Variants in MYL12B observed in about 807,000 individuals in gnomAD.
The protein encoded by MYL12B is myosin regulatory light chain 12B.
Under a neutral mutation model 12.9 loss-of-function variants are expected in MYL12B, and 3 were observed. The observed-to-expected ratio is 0.23, with a 90% CI of 0.11 to 0.60. The LOEUF is 0.60. MYL12B is among the 20% of genes least tolerant of loss of function. The pLI, the probability that MYL12B is intolerant of heterozygous loss-of-function variation, is 0.89. For synonymous variants in MYL12B, 57 were observed against 71.9 expected (o/e 0.79, Z 1.05); for missense variants, 120 against 215.4 (o/e 0.56, Z 2.77).
At chr18:3,274,917 C>T (rs1027215566) in intron 2 of MYL12B, among the ~76,000 whole-genome samples, 2 of 152,104 alleles carry the variant, frequency 1.3e-5, no homozygotes, top group Non-Finnish European at 2.9e-5. Context: ...CCTCAGAGAA[C>T]TAAAAATAGG....
intron 1 of MYL12B, among the ~76,000 whole-genome samples, chr18:3,266,381 A>G (rs2081634464): frequency 6.6e-6 from 1 of 152,266 alleles, no homozygotes; most frequent in Non-Finnish European, 1.5e-5. Flanking sequence ...TGCAAGGTGT[A>G]TTATGACAAA....
intron 2 of MYL12B, among the ~76,000 whole-genome samples, chr18:3,274,710 G>C (rs538120615): frequency 6.6e-6 from 1 of 152,354 alleles, no homozygotes; most frequent in African/African-American, 2.4e-5. Flanking sequence ...ATACTCCTAA[G>C]TTAGGTTTTC....
intron 1 of MYL12B, among the ~76,000 whole-genome samples, chr18:3,264,305 C>CAT (rs1405844953): frequency 1.1e-4 from 17 of 152,182 alleles, no homozygotes; most frequent in South Asian, 2.1e-4. Context: ...TATATTTATA[C>CAT]ATATATATAT....
chr18:3,267,688 A>T (rs117102247), intron 1 of MYL12B, among the ~76,000 whole-genome samples: 1,795 of 152,262 alleles, frequency 0.012, 18 homozygotes, highest in Non-Finnish European at 0.019. Flanking sequence ...GTGTATTATA[A>T]TTGTTCTATT....
rs1011413027 is a variant in MYL12B, at chr18:3,268,649, G to A, written c.-15-4235G>A. On this transcript the variant is annotated intron_variant, in intron 1 of 3. Transcript: ENST00000237500. ...GTCTAGGATTTGAATTTAGAGGATTGTAGGTGCTCAGAAATCAGTGTTGAA... is the reference window on the plus strand; with the variant it reads ...GTCTAGGATTTGAATTTAGAGGATTATAGGTGCTCAGAAATCAGTGTTGAA... Among the ~76,000 whole-genome samples the A allele has an allele frequency of 2.6e-5, 4 of 152,304 alleles. No homozygotes were observed. The South Asian group carries it at 8.3e-4, about 32-fold the overall frequency.
chr18:3,265,366 C>T (rs1215473300), intron 1 of MYL12B, among the ~76,000 whole-genome samples: 5 of 152,130 alleles, frequency 3.3e-5, no homozygotes, highest in Non-Finnish European at 5.9e-5. Flanking sequence ...AACTTGACTA[C>T]AGTAATAACC....
intron 1 of MYL12B, chr18:3,262,827 G>A (rs879669070): frequency 2.6e-5 from 4 of 152,298 alleles, no homozygotes; most frequent in Non-Finnish European, 4.4e-5. Context: ...CAAATGTGAT[G>A]ATTTACATAG....
At chr18:3,264,360 G>A (rs1380032534) in intron 1 of MYL12B, among the ~76,000 whole-genome samples, 3 of 152,136 alleles carry the variant, frequency 2.0e-5, no homozygotes, top group African/African-American at 4.8e-5. Flanking sequence ...CATGTGCAAG[G>A]CACACTGCTA....
At chr18:3,270,057 A>G (rs1200185341) in intron 1 of MYL12B, among the ~76,000 whole-genome samples, 1 of 152,200 alleles carries the variant, frequency 6.6e-6, no homozygotes, top group African/African-American at 2.4e-5. Flanking sequence ...TTTAGACCAG[A>G]TTTGGCAATT....
chr18:3,276,940 A>T (rs944155302), intron 2 of MYL12B: 15 of 949,550 alleles, frequency 1.6e-5, no homozygotes, highest in Non-Finnish European at 1.7e-5. Context: ...AAAAAAAAAA[A>T]TTAAGATGTA....
At chr18:3,269,111 T>C (rs1048907126) in intron 1 of MYL12B, among the ~76,000 whole-genome samples, 3 of 152,080 alleles carry the variant, frequency 2.0e-5, no homozygotes, top group Admixed American at 6.6e-5. Flanking sequence ...AAGCAGGGAA[T>C]GGCTAGAGAG....
intron 2 of MYL12B, chr18:3,276,684 G>T (rs2081734171): frequency 1.7e-5 from 9 of 540,668 alleles, no homozygotes; most frequent in Non-Finnish European, 2.1e-5. Context: ...TGAATATTTA[G>T]ATTTTTTTGT....
Position 3,277,313 on chromosome 18 carries a change from A to G in MYL12B, c.245A>G (p.Asn82Ser). The change falls in exon 3 of 4, where the codon AAT becomes AGT. Residue 82 changes from asparagine to serine, a missense_variant. By Grantham distance (46) the Asn-to-Ser change is conservative (BLOSUM62 1). Transcript: ENST00000237500. ...AMMNEAPGPI[N>S]FTMFLTMFGE... ...ATGAATGAGGCCCCAGGGCCCATCA[A>G]TTTCACCATGTTCCTGACCATGTTT... is the stretch of plus-strand genomic sequence containing the variant. 1.2e-6 allele frequency: 2 copies of G among 1,613,992 alleles called. No homozygotes were observed. The highest frequency in any genetic ancestry group is 2.2e-5 in the East Asian group (1 of 44,866).
In MYL12B at chr18:3,262,137, A is replaced by G. The variant is rs2081594656; in HGVS notation, c.-116A>G. The G allele has an allele frequency of 6.6e-6, 1 of 151,902 alleles. No individual in the cohort carries two copies. Among genetic ancestry groups the G allele is most frequent in the Admixed American group, 6.6e-5 (1 of 15,188 alleles). 9.4% of individuals were successfully genotyped at this position (151,902 alleles called of 1,614,324 possible). ...CGCCTTCCGCTCCGCCCCTTCAGGC[A>G]GGAAGTGTCGGCGCCGCCACTGTCC... On this transcript the variant is annotated 5_prime_UTR_variant, in exon 1 of 4. Transcript: ENST00000237500.
In MYL12B at chr18:3,269,909, G is replaced by C. The variant is rs140354924; in HGVS notation, c.-15-2975G>C. Among the ~76,000 whole-genome samples, 976 of 152,288 alleles carry C rather than the reference G, an allele frequency of 6.4e-3. 12 individuals are homozygous for C. Among genetic ancestry groups the C allele is most frequent in the African/African-American group, 0.022 (913 of 41,550 alleles). ...GCTTAGCAGTCTTCCTGATTAGAGCGTAAGTTCTTCAAGGTTGGGACCCTT... is the reference window on the plus strand; with the variant it reads ...GCTTAGCAGTCTTCCTGATTAGAGCCTAAGTTCTTCAAGGTTGGGACCCTT... On this transcript the variant is annotated intron_variant, in intron 1 of 3. Coordinates refer to ENST00000237500, the MANE Select transcript of MYL12B (RefSeq NM_033546.4).
At chr18:3,273,646 T>TA (rs2144362554) in intron 2 of MYL12B, among the ~76,000 whole-genome samples, 1 of 152,344 alleles carries the variant, frequency 6.6e-6, no homozygotes, top group South Asian at 2.1e-4. Context: ...TATTGTTTCT[T>TA]AACATGCATC....
chr18:3,278,416 AC>A lies in MYL12B; in HGVS notation c.*482del, dbSNP rs987227721. 7.2e-5 allele frequency: 11 copies of A among 153,302 alleles called. 2 individuals are homozygous for A. Among genetic ancestry groups the A allele is most frequent in the African/African-American group, 2.7e-4 (11 of 41,348 alleles). 9.5% of individuals were successfully genotyped at this position (153,302 alleles called of 1,614,324 possible). The stretch of plus-strand genomic sequence containing the variant: ...ACAGTGTTCTTCAGAACTTTTAAGT[AC>A]CCTTTAACATTATTATGCAGTAAAA... On this transcript the variant is annotated 3_prime_UTR_variant, in exon 4 of 4. Transcript: ENST00000237500.
At chr18:3,270,084 A>G (rs16944579) in intron 1 of MYL12B, among the ~76,000 whole-genome samples, 124 of 152,342 alleles carry the variant, frequency 8.1e-4, no homozygotes, top group African/African-American at 2.7e-3. Flanking sequence ...GTTGCAGTAG[A>G]GAACAGAAAG....
At chr18:3,264,604 C>G (rs570499069) in intron 1 of MYL12B, among the ~76,000 whole-genome samples, 4 of 152,158 alleles carry the variant, frequency 2.6e-5, no homozygotes, top group African/African-American at 7.2e-5. Flanking sequence ...CCCAGCTGCT[C>G]GAGGCTGAGT....
Sources: allele counts gnomAD v4.1 joint callset (sites outside exome capture counted in the v4.1 genomes callset), GRCh38; gene constraint gnomAD v4.1.1; transcripts MANE v1.5; gene names NCBI Gene and HGNC (gene_info 2026-07-23, HGNC 2026-07-21).